Variants in HK1 observed in about 807,000 individuals in gnomAD.
HK1 encodes hexokinase-1.
In HK1, 28 loss-of-function variants were observed where a neutral mutation model predicts 91.6. The ratio of observed to expected loss-of-function variants is 0.31; its 90% CI spans 0.23 to 0.42. The LOEUF is 0.42. Among genes scored for constraint, HK1 ranks in the 10% least tolerant of loss-of-function variants. HK1 has a pLI of 1.00. For missense variants in HK1, 770 were observed against 1,219.8 expected, an observed-to-expected ratio of 0.63 and a Z score of 5.49; for synonymous variants, 430 against 468.1, an observed-to-expected ratio of 0.92 and a Z score of 1.05.
Position 69,392,107 on chromosome 10 carries a change from C to T in HK1, c.2036-18C>T, listed in dbSNP as rs1462423489. 2.5e-6 allele frequency: 4 copies of T among 1,613,808 alleles called. No homozygotes were observed. The highest frequency in any genetic ancestry group is 1.7e-5 in the Admixed American group (1 of 60,002). On this transcript the variant is annotated intron_variant, in intron 14 of 17. Transcript: ENST00000359426. Reference sequence around the variant, plus strand: ...AATGCAAGGCCACCGCTCCTCATTGCCCCCTCGTGTGTTCCAGGGACCGGC... The same window carrying T: ...AATGCAAGGCCACCGCTCCTCATTGTCCCCTCGTGTGTTCCAGGGACCGGC...
chr10:69,272,107 G>A (rs1314021367), intron 1 of HK1, among the ~76,000 whole-genome samples: 3 of 152,018 alleles, frequency 2.0e-5, no homozygotes, highest in African/African-American at 7.2e-5. Flanking sequence ...CAGGTGATCC[G>A]CCTGCCTTGG....
chr10:69,392,332 C>T lies in HK1; in HGVS notation c.2219+24C>T, dbSNP rs774662304. 14 of 1,613,270 alleles carry T rather than the reference C, an allele frequency of 8.7e-6. No homozygotes were observed. The East Asian group carries it at 1.8e-4, about 21-fold the overall frequency. On this transcript the variant is annotated intron_variant, in intron 15 of 17. Transcript: ENST00000359426. Reference sequence around the variant, plus strand: ...AGGTAACCCCGCCTGGTGGAGAGGACACTCACAGTCAGGGTGGGGGCAGCA... The same window carrying T: ...AGGTAACCCCGCCTGGTGGAGAGGATACTCACAGTCAGGGTGGGGGCAGCA...
At chr10:69,364,974 A>T in intron 4 of HK1, 72 bp downstream of exon 4, 2 of 1,570,522 alleles carry the variant, frequency 1.3e-6, no homozygotes, top group African/African-American at 2.7e-5. Flanking sequence ...CCTTTTCTCC[A>T]CAACTTTTCC....
At chr10:69,388,304 G>C (rs192373236) in intron 13 of HK1, among the ~76,000 whole-genome samples, 1 of 152,048 alleles carries the variant, frequency 6.6e-6, no homozygotes, top group African/African-American at 2.4e-5. Flanking sequence ...AAAATTAGCC[G>C]TCATAGTGGT....
intron 1 of HK1, chr10:69,338,665 G>A: frequency 7.9e-7 from 1 of 1,273,722 alleles, no homozygotes; most frequent in South Asian, 1.3e-5. Context: ...AAGGGGACAG[G>A]ATTATGGAGA....
chr10:69,307,167 CAA>C (rs762910912), intron 5 of HK1, among the ~76,000 whole-genome samples: 7 of 152,084 alleles, frequency 4.6e-5, no homozygotes, highest in Non-Finnish European at 7.3e-5. Context: ...AAGCCCTTGA[CAA>C]GAGTGATTCT....
intron 2 of HK1, among the ~76,000 whole-genome samples, chr10:69,283,679 A>G (rs1465368856): frequency 6.7e-6 from 1 of 150,022 alleles, no homozygotes; most frequent in African/African-American, 2.4e-5. Context: ...TACTCAGGAG[A>G]CTGAGGGACG....
Position 69,359,641 on chromosome 10 carries a change from T to G in HK1, c.227-256T>G, listed in dbSNP as rs543059861. On this transcript the variant is annotated intron_variant, in intron 2 of 17. Coordinates refer to ENST00000359426, the MANE Select transcript of HK1 (RefSeq NM_000188.3). ...TTAATTCAGTACTTCCATTCCCCTA[T>G]AGTCAGAAGTAAGAGACTGGGATTG... Among the ~76,000 whole-genome samples, 7 of 152,378 alleles carry G rather than the reference T, an allele frequency of 4.6e-5. No individual in the cohort carries two copies. The South Asian group carries it at 1.4e-3, about 32-fold the overall frequency.
At chr10:69,287,162 G>A (rs1845071123) in intron 2 of HK1, among the ~76,000 whole-genome samples, 1 of 152,158 alleles carries the variant, frequency 6.6e-6, no homozygotes, top group South Asian at 2.1e-4. Context: ...AGGTTTAATT[G>A]ACTTACAGTT....
At chr10:69,366,282 C>A (rs1245114353) in intron 4 of HK1, among the ~76,000 whole-genome samples, 2 of 152,170 alleles carry the variant, frequency 1.3e-5, no homozygotes. Flanking sequence ...CAGGAAGATT[C>A]CATGCTCGTA....
chr10:69,280,382 G>T (rs1844682776), intron 1 of HK1, among the ~76,000 whole-genome samples: 2 of 152,208 alleles, frequency 1.3e-5, no homozygotes, highest in African/African-American at 4.8e-5. Context: ...CTCCCAAAGT[G>T]CTGGGATTAC....
At chr10:69,349,942 C>A (rs10823349) in intron 2 of HK1, among the ~76,000 whole-genome samples, 10,575 of 152,248 alleles carry the variant, frequency 0.069, 619 homozygotes, top group South Asian at 0.2. Context: ...ACTTCTGTAT[C>A]TAGGGATTCA....
rs1370175370 is a variant in HK1 at position 69,401,562 on chromosome 10, C to T, written c.*427C>T. The T allele has an allele frequency of 5.6e-6, 2 of 354,366 alleles. No homozygotes were observed. Among genetic ancestry groups the T allele is most frequent in the Non-Finnish European group, 1.1e-5 (2 of 180,836 alleles). The allele number at this position is 354,366 out of a possible 1,614,324, so 22.0% of individuals were successfully genotyped here. On this transcript the variant is annotated 3_prime_UTR_variant, in exon 18 of 18. Coordinates refer to ENST00000359426, the MANE Select transcript of HK1 (RefSeq NM_000188.3). ...ATTATCACCAGCAGACACTGCCGGGCCTCCCTCCCGGGGGCACTGCCTGAA... is the reference window on the plus strand; with the variant it reads ...ATTATCACCAGCAGACACTGCCGGGTCTCCCTCCCGGGGGCACTGCCTGAA...
In HK1 at chr10:69,319,082, C is replaced by T; in HGVS notation, c.63+72C>T. ...TTCCGGCATCCGCTCGCCGCCTCCG[C>T]TGCCTCCATCCTCCGGCGCCCGGCC... is the stretch of plus-strand genomic sequence containing the variant. On this transcript the variant is annotated intron_variant, in intron 1 of 17. Transcript: ENST00000359426. The T allele has an allele frequency of 6.6e-6, 10 of 1,518,968 alleles. No homozygotes were observed. The South Asian group carries it at 7.2e-5, about 11-fold the overall frequency. The allele number at this position is 1,518,968 out of a possible 1,614,324, so 94.1% of individuals were successfully genotyped here.
intron 5 of HK1, among the ~76,000 whole-genome samples, chr10:69,302,048 C>T (rs1202080855): frequency 6.6e-6 from 1 of 151,954 alleles, no homozygotes; most frequent in African/African-American, 2.4e-5. Flanking sequence ...GAGTTCGTGA[C>T]CAGCCTTGCC....
intron 3 of HK1, among the ~76,000 whole-genome samples, chr10:69,289,328 A>T (rs1450432521): frequency 1.3e-5 from 2 of 152,088 alleles, no homozygotes; most frequent in African/African-American, 4.8e-5. Context: ...ATTGCTTTTT[A>T]GACAGTTATG....
intron 2 of HK1, among the ~76,000 whole-genome samples, chr10:69,285,686 C>T (rs1418790884): frequency 1.3e-5 from 2 of 152,032 alleles, no homozygotes; most frequent in Non-Finnish European, 2.9e-5. Context: ...CACAGTTCTG[C>T]GGCGACATGT....
At chr10:69,292,044 C>T (rs529049444) in intron 3 of HK1, among the ~76,000 whole-genome samples, 10 of 152,114 alleles carry the variant, frequency 6.6e-5, no homozygotes, top group African/African-American at 2.4e-4. Flanking sequence ...TTTTTTGCTT[C>T]CGTAGTTTTC....
Position 69,389,181 on chromosome 10 carries a change from C to G in HK1, c.1936-16C>G, listed in dbSNP as rs1315846611. On this transcript the variant is annotated splice_polypyrimidine_tract_variant and intron_variant, in intron 13 of 17. Coordinates refer to ENST00000359426, the MANE Select transcript of HK1 (RefSeq NM_000188.3). ...AGTGATCCTATTCCTAAAGCTGTGTCCCTTTCTTTGCAAAGGAATTTGACC... is the reference window on the plus strand; with the variant it reads ...AGTGATCCTATTCCTAAAGCTGTGTGCCTTTCTTTGCAAAGGAATTTGACC... 1 of 1,601,032 alleles carries G rather than the reference C, an allele frequency of 6.2e-7. No homozygotes were observed.
Sources: gnomAD v4.1 joint callset for allele counts (sites outside exome capture counted in the v4.1 genomes callset) on GRCh38, gnomAD v4.1.1 for gene constraint, MANE v1.5 for transcripts, NCBI Gene and HGNC (gene_info 2026-07-23, HGNC 2026-07-21) for gene names.